ZNF726: variants seen among roughly 807,000 people sequenced by gnomAD.
ZNF726 encodes zinc finger protein 726.
ZNF726 carries 15 observed loss-of-function variants against 11.6 expected under a neutral mutation model. That is an observed-to-expected ratio of 1.29 (90% confidence interval 0.86 to 1.99). The LOEUF (loss-of-function observed/expected upper bound fraction) is 1.99. ZNF726 is among the 30% of genes most tolerant of loss of function. ZNF726 has a pLI of 0.00. For synonymous variants in ZNF726, 295 were observed against 243.6 expected, an observed-to-expected ratio of 1.21 and a Z score of -1.96; for missense variants, 890 against 725.6, an observed-to-expected ratio of 1.23 and a Z score of -2.60.
Position 23,933,765 on chromosome 19 carries a change from C to G in ZNF726, c.1649C>G (p.Ser550Ter). Residue 550 changes from serine to a stop codon, truncating the protein, a stop_gained, in exon 4 of 4, where the codon TCA (serine) becomes TGA (stop). Transcript: ENST00000594466. LOFTEE classifies it low-confidence loss of function (END_TRUNC). ...EECGKTFNQS[S>*]NLSTHKIIHT... ...TGTGGCAAAACTTTTAATCAATCCT[C>G]AAATCTTAGTACACATAAGATAATT... is the stretch of plus-strand genomic sequence containing the variant. 1 of 1,610,064 alleles carries G rather than the reference C, an allele frequency of 6.2e-7. No homozygotes were observed. The highest frequency in any genetic ancestry group is 8.5e-7 in the Non-Finnish European group (1 of 1,179,166).
intron 3 of ZNF726, among the ~76,000 whole-genome samples, chr19:23,921,989 A>T (rs1967864549): frequency 6.6e-6 from 1 of 152,234 alleles, no homozygotes. Context: ...AGAATTTTAT[A>T]AACTGGTTTC....
intron 3 of ZNF726, chr19:23,923,767 A>T (rs1707052786): frequency 1.3e-5 from 2 of 154,588 alleles, no homozygotes; most frequent in Non-Finnish European, 2.9e-5. Context: ...TAATGTACAT[A>T]AATGTTGCCA....
chr19:23,934,090 T>A lies in ZNF726; in HGVS notation c.*123T>A. 8.0e-7 allele frequency: 1 copy of A among 1,252,452 alleles called. No homozygotes were observed. The highest frequency in any genetic ancestry group is 1.2e-6 in the Non-Finnish European group (1 of 863,908). 77.6% of individuals were successfully genotyped at this position (1,252,452 alleles called of 1,614,324 possible). On this transcript the variant is annotated 3_prime_UTR_variant, in exon 4 of 4. Transcript: ENST00000594466. ...GTGAAGAATGTGAAAAAGCTTTTAA[T>A]CCTCAAATCTTACTAAACATTAGAT...
At chr19:23,918,797 G>A (rs796438564) in intron 1 of ZNF726, among the ~76,000 whole-genome samples, 15 of 142,376 alleles carry the variant, frequency 1.1e-4, no homozygotes, top group African/African-American at 3.9e-4. Flanking sequence ...TTGTTTACAG[G>A]CCAGAAAAAC....
At chr19:23,927,190 T>C (rs1968007378) in intron 3 of ZNF726, among the ~76,000 whole-genome samples, 1 of 151,812 alleles carries the variant, frequency 6.6e-6, no homozygotes, top group Admixed American at 6.6e-5. Flanking sequence ...TGGTTTAGAA[T>C]TCCTGAGTTC....
chr19:23,924,608 G>C (rs1173354532), intron 3 of ZNF726, among the ~76,000 whole-genome samples: 1 of 152,132 alleles, frequency 6.6e-6, no homozygotes, highest in African/African-American at 2.4e-5. Flanking sequence ...GTCAGGGCGA[G>C]GCAATGTGGT....
At chr19:23,934,612 T>G, downstream of ZNF726, 1 of 303,352 alleles carries the variant, frequency 3.3e-6, no homozygotes, top group Non-Finnish European at 6.4e-6. Flanking sequence ...TTCTCTCCTC[T>G]CCAGCTCCTC....
At chr19:23,916,684 T>C (rs1276633080) in intron 1 of ZNF726, among the ~76,000 whole-genome samples, 3 of 152,212 alleles carry the variant, frequency 2.0e-5, no homozygotes, top group Non-Finnish European at 2.9e-5. Flanking sequence ...TGATTTTTTT[T>C]CTAAATATTT....
At chr19:23,927,580 C>A (rs1002747905) in intron 3 of ZNF726, among the ~76,000 whole-genome samples, 2 of 152,156 alleles carry the variant, frequency 1.3e-5, no homozygotes, top group East Asian at 3.9e-4. Context: ...CAGCCTCAAC[C>A]TACTGGGCTC....
chr19:23,935,311 G>A (rs1227509362), downstream of ZNF726: 8 of 517,246 alleles, frequency 1.5e-5, no homozygotes, highest in African/African-American at 3.9e-5. Flanking sequence ...GAAGAATGTG[G>A]CAAAGTGTTT....
At chr19:23,931,230 C>A (rs1481654617) in intron 3 of ZNF726, among the ~76,000 whole-genome samples, 1 of 152,230 alleles carries the variant, frequency 6.6e-6, no homozygotes, top group Non-Finnish European at 1.5e-5. Context: ...CCTCAGCCTC[C>A]CGAAGTGCCG....
At chr19:23,938,633 A>T (rs1190297987), downstream of ZNF726, among the ~76,000 whole-genome samples, 3 of 120,376 alleles carry the variant, frequency 2.5e-5, no homozygotes, top group African/African-American at 9.9e-5. Context: ...TTTGAGCTGG[A>T]GTCTTGCTCT....
exon 4 of ZNF726, chr19:23,943,504 C>T (rs1180450927): frequency 3.1e-6 from 2 of 651,900 alleles, no homozygotes; most frequent in Non-Finnish European, 5.7e-6. Context: ...GCCTTGCTGT[C>T]TCTAACCCTG....
chr19:23,917,161 G>T (rs1967721432), intron 1 of ZNF726, among the ~76,000 whole-genome samples: 1 of 152,148 alleles, frequency 6.6e-6, no homozygotes, highest in Admixed American at 6.5e-5. Flanking sequence ...ATGCTAGCCA[G>T]GCTGGTGTCA....
intron 3 of ZNF726, among the ~76,000 whole-genome samples, chr19:23,941,872 G>A (rs929216329): frequency 1.3e-5 from 2 of 151,868 alleles, no homozygotes; most frequent in African/African-American, 4.8e-5. Flanking sequence ...TCTTTTCTTG[G>A]TTAATCTTGC....
chr19:23,924,752 G>A (rs1436821612), intron 3 of ZNF726, among the ~76,000 whole-genome samples: 3 of 152,002 alleles, frequency 2.0e-5, no homozygotes, highest in South Asian at 2.1e-4. Context: ...AAATAGCAAG[G>A]CATGGTGGTG....
At chr19:23,939,751 G>A (rs1260604321) in intron 3 of ZNF726, among the ~76,000 whole-genome samples, 2 of 151,648 alleles carry the variant, frequency 1.3e-5, no homozygotes, top group Non-Finnish European at 2.9e-5. Context: ...TTGTGGTTTT[G>A]ATTTGCATTT....
chr19:23,943,301 A>G (rs569217266), intron 3 of ZNF726, among the ~76,000 whole-genome samples: 5 of 152,358 alleles, frequency 3.3e-5, no homozygotes, highest in South Asian at 2.1e-4. Context: ...TTTAAATTCA[A>G]TGGTATTGGA....
rs1968189260 is a variant in ZNF726, at chr19:23,934,267, T to C, written c.*300T>C. Reference sequence around the variant, plus strand: ...AAAGCATATGGTCCACACCCCTAAGTAGACATAAGAGGATGCACACTGGAG... The same window carrying C: ...AAAGCATATGGTCCACACCCCTAAGCAGACATAAGAGGATGCACACTGGAG... On this transcript the variant is annotated 3_prime_UTR_variant, in exon 4 of 4. Transcript: ENST00000594466. The C allele has an allele frequency of 1.5e-6, 1 of 659,248 alleles. No homozygotes were observed. The highest frequency in any genetic ancestry group is 2.9e-6 in the Non-Finnish European group (1 of 345,296). 40.8% of individuals were successfully genotyped at this position (659,248 alleles called of 1,614,324 possible).
Sources: gnomAD v4.1 joint callset for allele counts (sites outside exome capture counted in the v4.1 genomes callset) on GRCh38, gnomAD v4.1.1 for gene constraint, MANE v1.5 for transcripts, NCBI Gene and HGNC (gene_info 2026-07-23, HGNC 2026-07-21) for gene names.